RAPGEF6: variants seen among roughly 807,000 people sequenced by gnomAD.
RAPGEF6 encodes PDZ domain containing guanine nucleotide exchange factor (GEF) 2.
In RAPGEF6, 56 loss-of-function variants were observed where a neutral mutation model predicts 171.4. That is an observed-to-expected ratio of 0.33 (90% CI 0.26 to 0.41). RAPGEF6 has a LOEUF of 0.41. RAPGEF6 is among the 10% of genes least tolerant of loss of function. The pLI is 1.00. For missense variants in RAPGEF6, 1,674 were observed against 1,921.4 expected (o/e 0.87, Z 2.41); for synonymous variants, 692 against 650.1 (o/e 1.06, Z -0.98).
intron 26 of RAPGEF6, among the ~76,000 whole-genome samples, chr5:131,430,353 A>C (rs1751622435): frequency 6.6e-6 from 1 of 152,164 alleles, no homozygotes; most frequent in Non-Finnish European, 1.5e-5. Context: ...CTTGGAATGG[A>C]ATTCACAAAC....
intron 1 of RAPGEF6, among the ~76,000 whole-genome samples, chr5:131,619,009 C>T (rs1765443525): frequency 6.6e-6 from 1 of 150,512 alleles, no homozygotes; most frequent in Admixed American, 6.6e-5. Context: ...ATAAGGCAGC[C>T]GGCCAGGCTC....
At chr5:131,441,077 C>G (rs973551724) in intron 23 of RAPGEF6, among the ~76,000 whole-genome samples, 2 of 152,198 alleles carry the variant, frequency 1.3e-5, no homozygotes, top group African/African-American at 4.8e-5. Flanking sequence ...TCAATGGCTT[C>G]TCAATGTTAA....
rs55956395 is a variant in RAPGEF6 at position 131,524,609 on chromosome 5, T to TGAGAGA, written c.496-3094_496-3089dup. On this transcript the variant is annotated intron_variant, in intron 6 of 27. Transcript: ENST00000509018. ...GGAGAGGGAGGGGGGAGAGAGAGAT[T>TGAGAGA]GAGAGAGAGAGAGAGAGAGAGAGAG... is the stretch of plus-strand genomic sequence containing the variant. 2.5e-3 allele frequency among the ~76,000 whole-genome samples: 344 copies of TGAGAGA among 134,998 alleles called. 2 individuals are homozygous for TGAGAGA. The highest frequency in any genetic ancestry group is 8.3e-3 in the African/African-American group (290 of 34,978). The allele number at this position is 134,998 out of a possible 152,430, so 88.6% of individuals were successfully genotyped here. A position where few individuals can be genotyped will look rare whatever the true frequency, so the allele number is the denominator to read the frequency against.
chr5:131,522,326 G>C (rs181275619), intron 6 of RAPGEF6, among the ~76,000 whole-genome samples: 61 of 152,292 alleles, frequency 4.0e-4, no homozygotes, highest in Middle Eastern at 3.4e-3. Flanking sequence ...GCATTCCAGA[G>C]TAGTAAAAGT....
intron 11 of RAPGEF6, among the ~76,000 whole-genome samples, chr5:131,501,870 T>G (rs1417578401): frequency 6.6e-6 from 1 of 152,138 alleles, no homozygotes; most frequent in East Asian, 1.9e-4. Flanking sequence ...TATAAAGTTA[T>G]AGATGTGTAT....
intron 5 of RAPGEF6, among the ~76,000 whole-genome samples, chr5:131,557,241 C>A (rs1404586535): frequency 1.7e-5 from 1 of 57,892 alleles, no homozygotes. Flanking sequence ...ATTGTCTCAA[C>A]TGATTTAAAA....
rs151048548 is a variant in RAPGEF6, at chr5:131,556,131, T to C, written c.351+5847A>G. ...TCATAACCAGCAGTGCAGGACTGTA[T>C]GGAAAACTGTAAAAAGACCACTAGT... On this transcript the variant is annotated intron_variant, in intron 5 of 27. Coordinates refer to ENST00000509018, the MANE Select transcript of RAPGEF6 (RefSeq NM_016340.6). Among the ~76,000 whole-genome samples the C allele has an allele frequency of 6.3e-3, 965 of 152,250 alleles. 8 individuals are homozygous for C. The highest frequency in any genetic ancestry group is 0.02 in the African/African-American group (845 of 41,520).
chr5:131,565,569 T>G (rs990754144), intron 4 of RAPGEF6, among the ~76,000 whole-genome samples: 14 of 152,122 alleles, frequency 9.2e-5, no homozygotes, highest in Non-Finnish European at 5.9e-5. Context: ...AGAACAAAGT[T>G]GAAATATTTA....
intron 4 of RAPGEF6, among the ~76,000 whole-genome samples, chr5:131,586,033 C>T (rs1763237619): frequency 6.6e-6 from 1 of 152,128 alleles, no homozygotes; most frequent in Non-Finnish European, 1.5e-5. Context: ...CCTCCTGAGG[C>T]TGTGTCACAG....
At position 131,601,380 on chromosome 5, in the gene RAPGEF6, C is replaced by T. The variant is rs141734087; in HGVS notation, c.197+1891G>A. Among the ~76,000 whole-genome samples, 554 of 141,418 alleles carry T rather than the reference C, an allele frequency of 3.9e-3. 9 individuals carry two copies. Among genetic ancestry groups the T allele is most frequent in the Non-Finnish European group, 2.9e-3 (188 of 65,764 alleles). 92.8% of individuals were successfully genotyped at this position (141,418 alleles called of 152,430 possible). A position where few individuals can be genotyped will look rare whatever the true frequency, so the allele number is the denominator to read the frequency against. ...AGCCTCAGTGACAAGAGCGAGACTC[C>T]GTCTCAAAAAAAAAAAAAAAAAAGG... On this transcript the variant is annotated intron_variant, in intron 3 of 27. Coordinates refer to ENST00000509018, the MANE Select transcript of RAPGEF6 (RefSeq NM_016340.6).
intron 19 of RAPGEF6, among the ~76,000 whole-genome samples, chr5:131,458,354 A>C (rs1388117157): frequency 6.6e-6 from 1 of 152,146 alleles, no homozygotes; most frequent in Non-Finnish European, 1.5e-5. Context: ...CTGCCATGTA[A>C]GACACGCCAT....
intron 11 of RAPGEF6, among the ~76,000 whole-genome samples, chr5:131,501,221 A>G (rs1757000758): frequency 6.6e-6 from 1 of 152,124 alleles, no homozygotes; most frequent in Non-Finnish European, 1.5e-5. Context: ...CTGTAGTCAC[A>G]GCTACCTAGG....
At chr5:131,601,208 A>G (rs1240440821) in intron 3 of RAPGEF6, among the ~76,000 whole-genome samples, 1 of 151,914 alleles carries the variant, frequency 6.6e-6, no homozygotes, top group Non-Finnish European at 1.5e-5. Flanking sequence ...ACATGGTGAA[A>G]CCCCATCTCT....
Position 131,429,085 on chromosome 5 carries a change from T to C in RAPGEF6, c.4597A>G (p.Ser1533Gly), listed in dbSNP as rs1751544038. Residue 1533 changes from serine to glycine, a missense_variant, in exon 27 of 28, where the codon AGT becomes GGT. By Grantham distance (56) the Ser-to-Gly change is moderately conservative (BLOSUM62 0). This residue lies in a region of RAPGEF6 where 552 missense variants were observed against 574.2 expected (regional missense o/e 0.96). Transcript: ENST00000509018. ...ATCTTTGACCTCTGCACTGCCACAC[T>C]ATAATCTGGAGGTTTTAGGTGTGTG... The part of the protein sequence containing the change: ...PHTHLKPPDY[S>G]VAVQRSKMMH... The C allele has an allele frequency of 1.2e-6, 2 of 1,614,218 alleles. No individual in the cohort carries two copies. Among genetic ancestry groups the C allele is most frequent in the Non-Finnish European group, 8.5e-7 (1 of 1,180,046 alleles).
intron 1 of RAPGEF6, among the ~76,000 whole-genome samples, chr5:131,615,113 C>A (rs1261866692): frequency 6.6e-6 from 1 of 152,166 alleles, no homozygotes; most frequent in Non-Finnish European, 1.5e-5. Flanking sequence ...AGTTTGAGAA[C>A]CACTGTTTAT....
chr5:131,444,356 G>A (rs1375091461), intron 22 of RAPGEF6, among the ~76,000 whole-genome samples: 1 of 152,026 alleles, frequency 6.6e-6, no homozygotes, highest in Admixed American at 6.6e-5. Flanking sequence ...CTCATTGATT[G>A]GTAAATGCTA....
At chr5:131,614,558 G>A (rs1445035602) in intron 1 of RAPGEF6, among the ~76,000 whole-genome samples, 1 of 152,176 alleles carries the variant, frequency 6.6e-6, no homozygotes, top group Non-Finnish European at 1.5e-5. Flanking sequence ...ACCATCACGA[G>A]AACAGCAAGG....
rs548220150 is a variant in RAPGEF6, at chr5:131,626,485, C to G, written c.69+8477G>C. On this transcript the variant is annotated intron_variant, in intron 1 of 27. Transcript: ENST00000509018. ...GCTTGCCATCATCAGTACTTTTGCTCCTGCCTCTCTGCTTGGAATGACCTC... is the reference window on the plus strand; with the variant it reads ...GCTTGCCATCATCAGTACTTTTGCTGCTGCCTCTCTGCTTGGAATGACCTC... 5.9e-5 allele frequency among the ~76,000 whole-genome samples: 9 copies of G among 151,908 alleles called. No individual in the cohort carries two copies. The South Asian group carries it at 1.9e-3, about 32-fold the overall frequency.
chr5:131,435,896 G>T (rs1355652010), intron 24 of RAPGEF6: 1 of 1,477,272 alleles, frequency 6.8e-7, no homozygotes, highest in Non-Finnish European at 9.0e-7. Flanking sequence ...TTTAAGCCAT[G>T]TATACATTAA....
Sources: allele counts gnomAD v4.1 joint callset (sites outside exome capture counted in the v4.1 genomes callset), GRCh38; gene constraint gnomAD v4.1.1; regional missense constraint gnomAD v4.1.1; transcripts MANE v1.5; gene names NCBI Gene and HGNC (gene_info 2026-07-23, HGNC 2026-07-21).